Variants in HPSE2 observed in about 807,000 individuals in gnomAD.
The protein encoded by HPSE2 is inactive heparanase-2.
In HPSE2, 38 loss-of-function variants were observed where a neutral mutation model predicts 60.5. The ratio of observed to expected loss-of-function variants is 0.63; its 90% CI spans 0.48 to 0.82. The LOEUF is 0.82. Ranked by LOEUF, HPSE2 falls within the 40% of genes least tolerant of loss-of-function variation. HPSE2 has a pLI of 0.00. For missense variants in HPSE2, 713 were observed against 740.4 expected (o/e 0.96, Z 0.43); for synonymous variants, 295 against 293.2 (o/e 1.01, Z -0.06).
intron 2 of HPSE2, among the ~76,000 whole-genome samples, chr10:99,212,598 A>G (rs1268632697): frequency 6.6e-6 from 1 of 152,146 alleles, no homozygotes; most frequent in African/African-American, 2.4e-5. Context: ...TATATTTGTA[A>G]ACCCACAGAA....
chr10:98,505,675 T>C (rs559872877), intron 9 of HPSE2, among the ~76,000 whole-genome samples: 1 of 152,334 alleles, frequency 6.6e-6, no homozygotes, highest in Admixed American at 6.5e-5. Context: ...CATGGATAAG[T>C]CTTTAACCAA....
At chr10:98,667,202 A>G (rs1030523513) in intron 6 of HPSE2, among the ~76,000 whole-genome samples, 1 of 152,182 alleles carries the variant, frequency 6.6e-6, no homozygotes, top group Non-Finnish European at 1.5e-5. Context: ...TCCTAGAAGC[A>G]CACAACCTCT....
At chr10:98,669,841 C>A (rs375669239) in intron 6 of HPSE2, among the ~76,000 whole-genome samples, 47 of 152,156 alleles carry the variant, frequency 3.1e-4, no homozygotes, top group African/African-American at 1.1e-3. Flanking sequence ...ACATAATACA[C>A]CCATGTAACA....
At chr10:98,523,305 A>G (rs528306488) in intron 9 of HPSE2, among the ~76,000 whole-genome samples, 59 of 152,354 alleles carry the variant, frequency 3.9e-4, no homozygotes, top group African/African-American at 1.3e-3. Context: ...CTACTCAAAT[A>G]TTGGAAACAA....
intron 2 of HPSE2, among the ~76,000 whole-genome samples, chr10:99,217,325 C>T (rs1295949713): frequency 1.3e-5 from 2 of 151,390 alleles, no homozygotes; most frequent in Non-Finnish European, 2.9e-5. Flanking sequence ...GATCCACTGG[C>T]GATTCAAATG....
intron 7 of HPSE2, among the ~76,000 whole-genome samples, chr10:98,632,270 T>C (rs1005237587): frequency 6.6e-6 from 1 of 152,174 alleles, no homozygotes; most frequent in Non-Finnish European, 1.5e-5. Context: ...AATTATTATA[T>C]TTCTGTAAGT....
the HPSE2 span, among the ~76,000 whole-genome samples, chr10:99,256,607 C>G: frequency 2.0e-5 from 3 of 151,566 alleles, no homozygotes; most frequent in African/African-American, 7.3e-5. Flanking sequence ...AAGTTCTGGA[C>G]AGTGCAATCA....
intron 3 of HPSE2, among the ~76,000 whole-genome samples, chr10:99,106,319 T>G (rs910154734): frequency 6.6e-6 from 1 of 152,124 alleles, no homozygotes. Context: ...ATCATACTTT[T>G]GTTAAATTGT....
intron 9 of HPSE2, among the ~76,000 whole-genome samples, chr10:98,548,647 T>C (rs1160116950): frequency 6.6e-6 from 1 of 150,554 alleles, no homozygotes; most frequent in Admixed American, 6.6e-5. Context: ...TAGAGATGAA[T>C]GTGTACTGTT....
At chr10:98,708,043 T>C (rs539722461) in intron 5 of HPSE2, among the ~76,000 whole-genome samples, 1 of 152,298 alleles carries the variant, frequency 6.6e-6, no homozygotes, top group Non-Finnish European at 1.5e-5. Flanking sequence ...AACTGAAGCA[T>C]TTTGAAATGT....
chr10:99,125,412 G>C (rs892500732), intron 3 of HPSE2, among the ~76,000 whole-genome samples: 5 of 152,174 alleles, frequency 3.3e-5, no homozygotes, highest in Non-Finnish European at 2.9e-5. Context: ...CTGGCTCCTA[G>C]ACTATAATAT....
intron 3 of HPSE2, among the ~76,000 whole-genome samples, chr10:98,811,837 T>G (rs1390016251): frequency 6.6e-6 from 1 of 152,122 alleles, no homozygotes; most frequent in Non-Finnish European, 1.5e-5. Context: ...ATTCAGGTAT[T>G]CTTTTATCAT....
chr10:98,966,363 T>C (rs1032252228), intron 3 of HPSE2, among the ~76,000 whole-genome samples: 1 of 151,978 alleles, frequency 6.6e-6, no homozygotes, highest in African/African-American at 2.4e-5. Context: ...AGAGATCAGG[T>C]AGAGAGACAG....
intron 3 of HPSE2, among the ~76,000 whole-genome samples, chr10:98,770,869 G>C (rs1950226505): frequency 6.6e-6 from 1 of 152,106 alleles, no homozygotes; most frequent in South Asian, 2.1e-4. Context: ...AAGGGAAAAG[G>C]GGGGCCATCC....
chr10:99,053,719 C>CTTT (rs11301458), intron 3 of HPSE2, among the ~76,000 whole-genome samples: 1,965 of 57,824 alleles, frequency 0.034, 639 homozygotes, highest in Non-Finnish European at 0.046. Flanking sequence ...GAGTTACAGT[C>CTTT]TTTTTTTTTT....
chr10:99,129,808 C>CG (rs1201227232), intron 3 of HPSE2, among the ~76,000 whole-genome samples: 1 of 99,892 alleles, frequency 1.0e-5, no homozygotes, highest in East Asian at 3.6e-4. Context: ...GAAATTGAAA[C>CG]CAAAAAAAAA....
At chr10:98,741,096 T>C (rs2134318411) in intron 4 of HPSE2, among the ~76,000 whole-genome samples, 1 of 152,298 alleles carries the variant, frequency 6.6e-6, no homozygotes, top group African/African-American at 2.4e-5. Context: ...TAATCATTTA[T>C]TATTTATTAA....
At chr10:98,539,721 A>C in intron 9 of HPSE2, among the ~76,000 whole-genome samples, 1 of 145,842 alleles carries the variant, frequency 6.9e-6, no homozygotes, top group Non-Finnish European at 1.5e-5. Context: ...ATCTTTCTTC[A>C]CTCTCCCTCT....
At chr10:99,153,513 G>T (rs1222897996) in intron 2 of HPSE2, among the ~76,000 whole-genome samples, 2 of 151,808 alleles carry the variant, frequency 1.3e-5, no homozygotes, top group African/African-American at 4.8e-5. Flanking sequence ...ACACGGCAGG[G>T]TATTCCAACA....
Sources: gnomAD v4.1 joint callset for allele counts (sites outside exome capture counted in the v4.1 genomes callset) on GRCh38, gnomAD v4.1.1 for gene constraint, MANE v1.5 for transcripts, NCBI Gene and HGNC (gene_info 2026-07-23, HGNC 2026-07-21) for gene names.